The following RTKN2 variants were observed in gnomAD, a reference collection of about 807,000 sequenced individuals.
RTKN2 encodes rhotekin-2.
In RTKN2, 69 loss-of-function variants were observed where a neutral mutation model predicts 71.5. That is an observed-to-expected ratio of 0.96 (90% confidence interval 0.79 to 1.18). The LOEUF (loss-of-function observed/expected upper bound fraction) is 1.18, where lower values mean the gene tolerates loss of function less well. Ranked by LOEUF, RTKN2 falls within the 50% of genes most tolerant of loss-of-function variation. RTKN2 has a pLI of 0.00. For synonymous variants in RTKN2, 236 were observed against 236.5 expected, an observed-to-expected ratio of 1.00 and a Z score of 0.02; for missense variants, 724 against 719.7, an observed-to-expected ratio of 1.01 and a Z score of -0.07.
In RTKN2 at chr10:62,262,809, G is replaced by A. The variant is rs1202483895; in HGVS notation, c.73C>T (p.Gln25Ter). Reference protein sequence around the residue: ...GLPTQQDCNIQEKIDLEIRMR... With the variant: ...GLPTQQDCNI Reference sequence around the variant, plus strand: ...CGAATTTCTAAGTCTATTTTTTCTTGAATGTTGCAGTCCTAAAAAAAAAAT... The same window carrying A: ...CGAATTTCTAAGTCTATTTTTTCTTAAATGTTGCAGTCCTAAAAAAAAAAT... Residue 25 changes from glutamine to a stop codon, truncating the protein, a stop_gained, in exon 2 of 12, where the codon CAA becomes TAA. Coordinates refer to ENST00000373789, the MANE Select transcript of RTKN2 (RefSeq NM_145307.4). LOFTEE classifies it high-confidence loss of function. The A allele has an allele frequency of 6.2e-7, 1 of 1,604,334 alleles. No individual in the cohort carries two copies.
chr10:62,186,026 G>A (rs535344227), intron 8 of RTKN2, among the ~76,000 whole-genome samples: 1 of 152,338 alleles, frequency 6.6e-6, no homozygotes, highest in East Asian at 1.9e-4. Flanking sequence ...AAGGCCAGTC[G>A]GTGAAAGTAG....
intron 7 of RTKN2, among the ~76,000 whole-genome samples, chr10:62,220,055 C>T (rs189282631): frequency 2.6e-4 from 40 of 152,226 alleles, no homozygotes; most frequent in Non-Finnish European, 2.4e-4. Flanking sequence ...CCTACAAAAT[C>T]GCTAGCTACT....
At chr10:62,239,121 TA>T (rs2132993497) in intron 5 of RTKN2, 1 of 152,348 alleles carries the variant, frequency 6.6e-6, no homozygotes, top group African/African-American at 2.4e-5. Context: ...CATTTTTTTT[TA>T]TTGCTTTGAA....
chr10:62,262,899 A>G, intron 1 of RTKN2, 78 bp from the exon 2 acceptor site: 5 of 822,934 alleles, frequency 6.1e-6, no homozygotes, highest in Non-Finnish European at 9.4e-6. Context: ...GAAAATAGGT[A>G]TCATAATTGT....
intron 2 of RTKN2, among the ~76,000 whole-genome samples, chr10:62,259,788 G>A (rs1203644295): frequency 1.3e-5 from 2 of 152,144 alleles, no homozygotes; most frequent in African/African-American, 4.8e-5. Context: ...CTGAGCTCAA[G>A]CAATCTGACC....
intron 7 of RTKN2, among the ~76,000 whole-genome samples, chr10:62,220,406 A>G (rs888502540): frequency 1.3e-5 from 2 of 152,196 alleles, no homozygotes; most frequent in Non-Finnish European, 2.9e-5. Flanking sequence ...AAAATTCTGT[A>G]AAAGCATGTA....
At position 62,259,266 on chromosome 10, in the gene RTKN2, C is replaced by G. The variant is rs1434025218; in HGVS notation, c.257+3359G>C. 1.1e-5 allele frequency: 4 copies of G among 362,898 alleles called. No homozygotes were observed. In the African/African-American group the frequency reaches 1.5e-4, roughly 13 times the overall value. 22.5% of individuals were successfully genotyped at this position (362,898 alleles called of 1,614,324 possible). ...CATGTGAACCGTGAGTGCATTAAAC[C>G]TCTTTTTCTTAATACTCAGTCTCGG... On this transcript the variant is annotated intron_variant, in intron 2 of 11. Transcript: ENST00000373789.
chr10:62,217,236 CCTT>C lies in RTKN2; in HGVS notation c.899_901del (p.Glu300del), dbSNP rs1403739561. On this transcript the variant is annotated inframe_deletion, in exon 9 of 12. Coordinates refer to ENST00000373789, the MANE Select transcript of RTKN2 (RefSeq NM_145307.4). ...ATACAACCTTCTCCAACTAATCAGA[CCTT>C]CTACCATTTGCTGAAAAAAAAAAAA... 29 of 1,538,756 alleles carry C rather than the reference CCTT, an allele frequency of 1.9e-5. No individual in the cohort carries two copies. The highest frequency in any genetic ancestry group is 2.4e-5 in the Non-Finnish European group (28 of 1,152,250).
chr10:62,255,046 G>C (rs1202597324), intron 2 of RTKN2, among the ~76,000 whole-genome samples: 3 of 152,106 alleles, frequency 2.0e-5, no homozygotes, highest in Non-Finnish European at 2.9e-5. Flanking sequence ...TAGAACCTTA[G>C]TGGTAGGTAT....
chr10:62,198,208 A>T lies in RTKN2; in HGVS notation c.1530T>A (p.Asp510Glu), dbSNP rs774916771. The T allele has an allele frequency of 6.2e-7, 1 of 1,614,114 alleles. No individual in the cohort carries two copies. Among genetic ancestry groups the T allele is most frequent in the South Asian group, 1.1e-5 (1 of 91,082 alleles). ...GTGATTTTAAGCTGAATGGAAGTTTATCAGAAGGAGGAAGGGGAGCTTGTC... is the reference window on the plus strand; with the variant it reads ...GTGATTTTAAGCTGAATGGAAGTTTTTCAGAAGGAGGAAGGGGAGCTTGTC... ...KKRQAPLPPS[D>E]KLPFSLKSQS... Residue 510 changes from aspartate to glutamate, a missense_variant, in exon 12 of 12, where the codon GAT becomes GAA. Coordinates refer to ENST00000373789, the MANE Select transcript of RTKN2 (RefSeq NM_145307.4).
In RTKN2 at chr10:62,193,203, A is replaced by T. The variant is rs1019528081; in HGVS notation, c.*4705T>A. ...AAGACACCAAAAAGTATTCATTTTC[A>T]ACAAAACAATTTATTTTGATATCTT... On this transcript the variant is annotated 3_prime_UTR_variant, in exon 12 of 12. Transcript: ENST00000373789. The T allele has an allele frequency of 2.2e-6, 2 of 890,158 alleles. No homozygotes were observed. Among genetic ancestry groups the T allele is most frequent in the Non-Finnish European group, 2.7e-6 (2 of 743,306 alleles). The allele number at this position is 890,158 out of a possible 1,614,324, so 55.1% of individuals were successfully genotyped here. A position where few individuals can be genotyped will look rare whatever the true frequency, so the allele number is the denominator to read the frequency against.
At chr10:62,198,575 C>T in intron 11 of RTKN2, 132 bp from the exon 12 acceptor site, 2 of 665,452 alleles carry the variant, frequency 3.0e-6, no homozygotes, top group East Asian at 6.1e-5. Context: ...AAAACGTTCA[C>T]TTGTAAAAAT....
At position 62,195,472 on chromosome 10, in the gene RTKN2, A is replaced by C; in HGVS notation, c.*2436T>G. The C allele has an allele frequency of 3.1e-6, 3 of 959,190 alleles. No homozygotes were observed. Among genetic ancestry groups the C allele is most frequent in the Non-Finnish European group, 3.7e-6 (3 of 806,282 alleles). The allele number at this position is 959,190 out of a possible 1,614,324, so 59.4% of individuals were successfully genotyped here. ...GATTTTTTTTTTAAACTGTAAAGGA[A>C]GGGAGGAAGGAGAGACAGAAGGAAA... On this transcript the variant is annotated 3_prime_UTR_variant, in exon 12 of 12. Coordinates refer to ENST00000373789, the MANE Select transcript of RTKN2 (RefSeq NM_145307.4).
intron 6 of RTKN2, among the ~76,000 whole-genome samples, chr10:62,232,984 A>G (rs1206986036): frequency 6.6e-6 from 1 of 152,216 alleles, no homozygotes; most frequent in South Asian, 2.1e-4. Flanking sequence ...AAAATTGAGT[A>G]TTCATGGACA....
At chr10:62,208,878 C>T (rs1841601204) in intron 9 of RTKN2, among the ~76,000 whole-genome samples, 1 of 152,076 alleles carries the variant, frequency 6.6e-6, no homozygotes, top group South Asian at 2.1e-4. Context: ...AGTGGAAGAC[C>T]TAGATATATG....
intron 5 of RTKN2, among the ~76,000 whole-genome samples, chr10:62,237,232 T>C (rs988414637): frequency 4.6e-5 from 7 of 151,840 alleles, no homozygotes. Flanking sequence ...ACCTCAAATA[T>C]ACACAATAAA....
intron 2 of RTKN2, among the ~76,000 whole-genome samples, chr10:62,262,342 T>A (rs1842788469): frequency 6.6e-6 from 1 of 152,238 alleles, no homozygotes; most frequent in Non-Finnish European, 1.5e-5. Context: ...TACATTTCTA[T>A]CAATATTGGT....
intron 6 of RTKN2, among the ~76,000 whole-genome samples, chr10:62,234,460 C>A (rs926134102): frequency 6.7e-6 from 1 of 149,396 alleles, no homozygotes; most frequent in African/African-American, 2.5e-5. Context: ...AGCTCCACTG[C>A]ACTCCAGACT....
At chr10:62,251,626 C>T (rs949348959) in intron 2 of RTKN2, among the ~76,000 whole-genome samples, 1 of 152,180 alleles carries the variant, frequency 6.6e-6, no homozygotes, top group Non-Finnish European at 1.5e-5. Context: ...CCTCTACCAA[C>T]TCCACCTCCA....
Sources: gnomAD v4.1 joint callset for allele counts (sites outside exome capture counted in the v4.1 genomes callset) on GRCh38, gnomAD v4.1.1 for gene constraint, MANE v1.5 for transcripts, NCBI Gene and HGNC (gene_info 2026-07-23, HGNC 2026-07-21) for gene names.